Variants in ATP9A observed in about 807,000 individuals in gnomAD.
ATP9A encodes the protein probable phospholipid-transporting ATPase IIA.
A neutral mutation model predicts 144.1 loss-of-function variants in ATP9A; 52 were observed. That is an observed-to-expected ratio of 0.36 (90% CI 0.29 to 0.45). The LOEUF (loss-of-function observed/expected upper bound fraction) is 0.45. ATP9A is among the 20% of genes least tolerant of loss of function. ATP9A has a pLI of 1.00. For synonymous variants in ATP9A, 582 were observed against 557.4 expected, an observed-to-expected ratio of 1.04 and a Z score of -0.62; for missense variants, 947 against 1,392.7, an observed-to-expected ratio of 0.68 and a Z score of 5.09.
At chr20:51,647,446 G>C (rs2077346507) in intron 14 of ATP9A, among the ~76,000 whole-genome samples, 2 of 151,684 alleles carry the variant, frequency 1.3e-5, no homozygotes, top group Non-Finnish European at 2.9e-5. Flanking sequence ...AGCTACTCGG[G>C]AGGCTGAGGC....
intron 4 of ATP9A, among the ~76,000 whole-genome samples, chr20:51,712,074 CTTTT>C (rs74175572): frequency 3.0e-5 from 3 of 98,832 alleles, no homozygotes; most frequent in Non-Finnish European, 4.3e-5. Flanking sequence ...CCAGGCTGGT[CTTTT>C]TTTTTTTTTT....
intron 16 of ATP9A, among the ~76,000 whole-genome samples, chr20:51,628,075 C>T (rs1271670651): frequency 1.3e-5 from 2 of 152,102 alleles, no homozygotes; most frequent in Non-Finnish European, 2.9e-5. Context: ...CCACGTGTTC[C>T]CAGGAAGTGG....
chr20:51,620,439 T>C (rs977099794), intron 19 of ATP9A, among the ~76,000 whole-genome samples: 1 of 152,218 alleles, frequency 6.6e-6, no homozygotes, highest in Non-Finnish European at 1.5e-5. Flanking sequence ...GTTAGGTTTT[T>C]GCCCCTGGTT....
At chr20:51,699,571 T>A (rs1193044460) in intron 4 of ATP9A, among the ~76,000 whole-genome samples, 1 of 152,314 alleles carries the variant, frequency 6.6e-6, no homozygotes, top group Admixed American at 6.5e-5. Context: ...TTGTGTGTCG[T>A]TAAATCTTGT....
intron 1 of ATP9A, among the ~76,000 whole-genome samples, chr20:51,730,497 T>A (rs1409640234): frequency 6.6e-6 from 1 of 152,186 alleles, no homozygotes; most frequent in African/African-American, 2.4e-5. Context: ...AATAAAAAGA[T>A]GCTTTGTCCC....
At chr20:51,657,302 C>A in intron 13 of ATP9A, 152 bp from the exon 14 acceptor site, 5 of 585,226 alleles carry the variant, frequency 8.5e-6, no homozygotes, top group South Asian at 5.6e-5. Context: ...AAATAAATGA[C>A]ATGCAATTTT....
chr20:51,681,427 C>CTTTTTTTTTT (rs66579534), intron 9 of ATP9A, among the ~76,000 whole-genome samples: 2 of 131,636 alleles, frequency 1.5e-5, no homozygotes, highest in Non-Finnish European at 3.1e-5. Context: ...TCCTAAATTT[C>CTTTTTTTTTT]TTTTTTTTTT....
intron 18 of ATP9A, among the ~76,000 whole-genome samples, chr20:51,622,748 C>G (rs1280825853): frequency 6.6e-6 from 1 of 152,214 alleles, no homozygotes; most frequent in Non-Finnish European, 1.5e-5. Flanking sequence ...ACAGCTACCT[C>G]TTGTCCTAAC....
chr20:51,621,668 T>C (rs1480251101), intron 19 of ATP9A, among the ~76,000 whole-genome samples: 1 of 152,184 alleles, frequency 6.6e-6, no homozygotes, highest in East Asian at 1.9e-4. Flanking sequence ...TGGACCAGTA[T>C]CTGTGGCCTG....
At chr20:51,732,655 T>C (rs2077747084) in intron 1 of ATP9A, 1 of 152,038 alleles carries the variant, frequency 6.6e-6, no homozygotes, top group Non-Finnish European at 1.5e-5. Flanking sequence ...TGTTGGCCCC[T>C]TTCTAAGTTG....
intron 2 of ATP9A, among the ~76,000 whole-genome samples, chr20:51,727,010 C>T (rs1211321339): frequency 7.0e-6 from 1 of 143,530 alleles, no homozygotes; most frequent in African/African-American, 2.6e-5. Context: ...AAAGTTATGT[C>T]CAGCCAGGCG....
intron 1 of ATP9A, among the ~76,000 whole-genome samples, chr20:51,748,466 A>G (rs1028834992): frequency 6.6e-6 from 1 of 152,224 alleles, no homozygotes; most frequent in African/African-American, 2.4e-5. Flanking sequence ...CAAGACAAAG[A>G]CATTCTGTAA....
intron 13 of ATP9A, among the ~76,000 whole-genome samples, chr20:51,662,686 T>G (rs1416504045): frequency 6.6e-6 from 1 of 152,092 alleles, no homozygotes; most frequent in Non-Finnish European, 1.5e-5. Context: ...TTAAAAACCT[T>G]GACATGAGTG....
At chr20:51,671,367 C>T in intron 11 of ATP9A, 110 bp from the exon 12 acceptor site, 7 of 1,295,036 alleles carry the variant, frequency 5.4e-6, no homozygotes, top group South Asian at 1.4e-5. Context: ...GGACTCACTC[C>T]CTGCAGAAGC....
chr20:51,736,118 T>C (rs1376725301), intron 1 of ATP9A, among the ~76,000 whole-genome samples: 1 of 152,182 alleles, frequency 6.6e-6, no homozygotes, highest in South Asian at 2.1e-4. Context: ...GGAAGTGCAA[T>C]CCAGGCAGAT....
chr20:51,764,835 C>T (rs1210691412), intron 1 of ATP9A, among the ~76,000 whole-genome samples: 2 of 152,112 alleles, frequency 1.3e-5, no homozygotes, highest in Non-Finnish European at 2.9e-5. Context: ...AATTCTCCTG[C>T]CTCAGCCTCC....
chr20:51,731,255 T>C (rs1163384795), intron 1 of ATP9A, among the ~76,000 whole-genome samples: 1 of 148,948 alleles, frequency 6.7e-6, no homozygotes. Flanking sequence ...AGTGAGCTAT[T>C]GCCACTGCAC....
intron 11 of ATP9A, among the ~76,000 whole-genome samples, chr20:51,673,382 A>G (rs1448414924): frequency 6.6e-6 from 1 of 152,162 alleles, no homozygotes; most frequent in Admixed American, 6.6e-5. Context: ...TCAAAAATAA[A>G]TAAATAAATA....
At chr20:51,644,116 C>A (rs1432885402) in intron 14 of ATP9A, among the ~76,000 whole-genome samples, 1 of 151,756 alleles carries the variant, frequency 6.6e-6, no homozygotes. Context: ...GCCTGAGCAA[C>A]AGAACAAGAC....
Sources: allele counts gnomAD v4.1 joint callset (sites outside exome capture counted in the v4.1 genomes callset), GRCh38; gene constraint gnomAD v4.1.1; transcripts MANE v1.5; gene names NCBI Gene and HGNC (gene_info 2026-07-23, HGNC 2026-07-21).